TMEM117: variants seen among roughly 807,000 people sequenced by gnomAD.
TMEM117 encodes transmembrane protein 117.
Under a neutral mutation model 52.4 loss-of-function variants are expected in TMEM117, and 27 were observed. The observed-to-expected ratio is 0.51, with a 90% CI of 0.38 to 0.71. The LOEUF (loss-of-function observed/expected upper bound fraction) is 0.71, where lower values mean the gene tolerates loss of function less well. Ranked by LOEUF, TMEM117 falls within the 30% of genes least tolerant of loss-of-function variation. The probability of loss-of-function intolerance (pLI) is 0.00; values close to 1 mark genes in which losing one functional copy is unlikely to be tolerated. For missense variants in TMEM117, 556 were observed against 630.5 expected, an observed-to-expected ratio of 0.88 and a Z score of 1.26; for synonymous variants, 215 against 206.3, an observed-to-expected ratio of 1.04 and a Z score of -0.36.
Position 43,907,533 on chromosome 12 carries a change from C to T in TMEM117, c.278-36677C>T, listed in dbSNP as rs375770348. Reference sequence around the variant, plus strand: ...CGAGCTGAGAGAAGAAGGCTTCAGACGATCAAATTACTCTGAGCTACGGGA... The same window carrying T: ...CGAGCTGAGAGAAGAAGGCTTCAGATGATCAAATTACTCTGAGCTACGGGA... On this transcript the variant is annotated intron_variant, in intron 2 of 7. Transcript: ENST00000266534. 2.6e-3 allele frequency among the ~76,000 whole-genome samples: 389 copies of T among 149,996 alleles called. 3 individuals carry two copies. The highest frequency in any genetic ancestry group is 3.9e-3 in the South Asian group (18 of 4,610).
intron 5 of TMEM117, chr12:44,264,007 A>T (rs1337719174): frequency 1.3e-5 from 2 of 152,184 alleles, no homozygotes; most frequent in Admixed American, 6.5e-5. Flanking sequence ...TCCCTGTTTT[A>T]TGCTTTAAAA....
At chr12:43,830,972 T>C (rs955717780), upstream of TMEM117, among the ~76,000 whole-genome samples, 5 of 152,314 alleles carry the variant, frequency 3.3e-5, no homozygotes, top group South Asian at 6.2e-4. Flanking sequence ...CCAAGCAACA[T>C]ACATGTGATG....
At chr12:44,186,845 C>T (rs899314923) in intron 4 of TMEM117, among the ~76,000 whole-genome samples, 1 of 152,140 alleles carries the variant, frequency 6.6e-6, no homozygotes, top group Non-Finnish European at 1.5e-5. Flanking sequence ...TGTCCCAAAG[C>T]ATCGTTGTCC....
At chr12:44,288,753 A>G (rs144665045) in intron 5 of TMEM117, among the ~76,000 whole-genome samples, 4 of 152,314 alleles carry the variant, frequency 2.6e-5, no homozygotes, top group East Asian at 3.9e-4. Context: ...ACAAAATTGT[A>G]TATGTTTAAA....
chr12:43,889,604 A>T (rs753325272), intron 2 of TMEM117, among the ~76,000 whole-genome samples: 2 of 152,234 alleles, frequency 1.3e-5, no homozygotes, highest in African/African-American at 2.4e-5. Context: ...CCCAATGTAG[A>T]TAATAAATGG....
At chr12:44,334,695 G>A (rs959488345) in intron 6 of TMEM117, among the ~76,000 whole-genome samples, 9 of 151,882 alleles carry the variant, frequency 5.9e-5, no homozygotes, top group Admixed American at 1.3e-4. Context: ...TTTACTTAAC[G>A]CCTGGATGTA....
intron 2 of TMEM117, among the ~76,000 whole-genome samples, chr12:43,915,496 A>G (rs1019558762): frequency 6.6e-6 from 1 of 152,168 alleles, no homozygotes; most frequent in Non-Finnish European, 1.5e-5. Flanking sequence ...TTCAAATATC[A>G]GTGCTTCTTA....
the TMEM117 span, chr12:43,798,586 C>T: frequency 6.6e-7 from 1 of 1,518,874 alleles, no homozygotes; most frequent in Non-Finnish European, 8.8e-7. Flanking sequence ...CCTCTGGGCT[C>T]TGATTGCAAG....
At chr12:44,364,518 C>T (rs777670109) in intron 6 of TMEM117, among the ~76,000 whole-genome samples, 2 of 151,934 alleles carry the variant, frequency 1.3e-5, no homozygotes, top group Non-Finnish European at 2.9e-5. Context: ...GTTACATTGA[C>T]AATTCTATTT....
intron 3 of TMEM117, chr12:44,008,719 A>G: frequency 2.7e-6 from 1 of 364,980 alleles, no homozygotes; most frequent in Admixed American, 3.4e-5. Flanking sequence ...ATATGATACA[A>G]GTATAAGGCA....
chr12:44,398,740 C>T, the TMEM117 span, among the ~76,000 whole-genome samples: 1 of 152,212 alleles, frequency 6.6e-6, no homozygotes, highest in African/African-American at 2.4e-5. Flanking sequence ...CCTAAGGATG[C>T]TCCTGCACAA....
the TMEM117 span, chr12:43,802,521 T>A: frequency 7.9e-7 from 1 of 1,261,390 alleles, no homozygotes; most frequent in Non-Finnish European, 1.1e-6. Flanking sequence ...CAAGTGGTAG[T>A]GTGATGAAGA....
intron 2 of TMEM117, among the ~76,000 whole-genome samples, chr12:43,868,580 A>T (rs1377879932): frequency 6.6e-6 from 1 of 151,714 alleles, no homozygotes; most frequent in Non-Finnish European, 1.5e-5. Context: ...CACCCTCCAA[A>T]AAAAAAAACA....
At position 44,238,191 on chromosome 12, in the gene TMEM117, G is replaced by C. The variant is rs145477831; in HGVS notation, c.608+26804G>C. 1.0e-3 allele frequency among the ~76,000 whole-genome samples: 155 copies of C among 152,270 alleles called. 1 individual carries two copies. In the East Asian group the frequency reaches 0.021, roughly 21 times the overall value. On this transcript the variant is annotated intron_variant, in intron 5 of 7. Coordinates refer to ENST00000266534, the MANE Select transcript of TMEM117 (RefSeq NM_032256.3). ...CAACAAAACAACAAAACATTTATTA[G>C]AAAAGTTAAAAGAGTTGAGCATAGG...
chr12:43,847,046 A>T (rs1943222568), intron 2 of TMEM117, among the ~76,000 whole-genome samples: 1 of 152,208 alleles, frequency 6.6e-6, no homozygotes, highest in Admixed American at 6.5e-5. Flanking sequence ...AAAGAAATGG[A>T]GAAGTGCTAA....
At chr12:43,863,977 G>A (rs544588211) in intron 2 of TMEM117, among the ~76,000 whole-genome samples, 42 of 152,304 alleles carry the variant, frequency 2.8e-4, no homozygotes, top group African/African-American at 8.9e-4. Flanking sequence ...TGGGCTTGGC[G>A]GCCCCACACT....
intron 4 of TMEM117, among the ~76,000 whole-genome samples, chr12:44,162,997 C>A (rs1948918115): frequency 1.3e-5 from 2 of 152,108 alleles, no homozygotes; most frequent in South Asian, 4.1e-4. Flanking sequence ...GAAGATCAGG[C>A]CTTCTGGTCA....
intron 2 of TMEM117, among the ~76,000 whole-genome samples, chr12:43,887,455 A>C (rs1202303259): frequency 6.6e-6 from 1 of 152,250 alleles, no homozygotes; most frequent in Non-Finnish European, 1.5e-5. Flanking sequence ...GTTGGAAGAC[A>C]ACTATTGTGG....
intron 4 of TMEM117, among the ~76,000 whole-genome samples, chr12:44,166,007 C>T (rs1427482898): frequency 6.6e-6 from 1 of 152,044 alleles, no homozygotes; most frequent in Non-Finnish European, 1.5e-5. Context: ...TTTTAAAATT[C>T]GAAATCATGT....
Sources: allele counts gnomAD v4.1 joint callset (sites outside exome capture counted in the v4.1 genomes callset), GRCh38; gene constraint gnomAD v4.1.1; transcripts MANE v1.5; gene names NCBI Gene and HGNC (gene_info 2026-07-23, HGNC 2026-07-21).